PAK1IP1: variants seen among roughly 807,000 people sequenced by gnomAD.
PAK1IP1 encodes the protein p21-activated protein kinase-interacting protein 1.
In PAK1IP1, 24 loss-of-function variants were observed where a neutral mutation model predicts 42.0. The ratio of observed to expected loss-of-function variants is 0.57; its 90% CI spans 0.41 to 0.80. The LOEUF (loss-of-function observed/expected upper bound fraction) is 0.80, where lower values mean the gene tolerates loss of function less well. Among genes scored for constraint, PAK1IP1 ranks in the 30% least tolerant of loss-of-function variants. PAK1IP1 has a pLI of 0.00. For synonymous variants in PAK1IP1, 154 were observed against 156.7 expected, an observed-to-expected ratio of 0.98 and a Z score of 0.13; for missense variants, 411 against 467.9, an observed-to-expected ratio of 0.88 and a Z score of 1.12.
rs142103213 is a variant in PAK1IP1, at chr6:10,707,206, T to C, written c.741-209T>C. Among the ~76,000 whole-genome samples the C allele has an allele frequency of 5.6e-3, 859 of 152,364 alleles. 8 individuals carry two copies. Among genetic ancestry groups the C allele is most frequent in the African/African-American group, 0.019 (794 of 41,584 alleles). On this transcript the variant is annotated intron_variant, in intron 7 of 9. Coordinates refer to ENST00000379568, the MANE Select transcript of PAK1IP1 (RefSeq NM_017906.3). ...TTTTCAACTTTTCCTTCAGATATGG[T>C]TGGCAGTGGATTTTATCTTGTTTTT...
At chr6:10,702,346 TGC>T in intron 2 of PAK1IP1, 21 bp from the exon 3 acceptor site, 1 of 1,596,700 alleles carries the variant, frequency 6.3e-7, no homozygotes, top group Non-Finnish European at 8.6e-7. Flanking sequence ...ATATTATTTT[TGC>T]CTATTTTGGT....
chr6:10,693,525 A>T (rs1237529745), upstream of PAK1IP1, among the ~76,000 whole-genome samples: 2 of 152,242 alleles, frequency 1.3e-5, no homozygotes, highest in Non-Finnish European at 2.9e-5. Flanking sequence ...AAGTTATTGG[A>T]AACAAAAGGG....
chr6:10,702,836 C>T (rs1770072076), intron 4 of PAK1IP1, among the ~76,000 whole-genome samples, 197 bp downstream of exon 4: 1 of 152,010 alleles, frequency 6.6e-6, no homozygotes, highest in Admixed American at 6.6e-5. Context: ...CTCTGTCTCC[C>T]TGCTCTGTCG....
At chr6:10,694,966 A>G (rs1328837726), upstream of PAK1IP1, 1 of 1,568,526 alleles carries the variant, frequency 6.4e-7, no homozygotes. Flanking sequence ...GGCTGGCGGA[A>G]GAGGCACGTG....
chr6:10,696,795 A>C (rs1473910324), intron 1 of PAK1IP1, among the ~76,000 whole-genome samples: 1 of 152,228 alleles, frequency 6.6e-6, no homozygotes, highest in Non-Finnish European at 1.5e-5. Context: ...TTAGCTGGGC[A>C]TGATGGCAAG....
At chr6:10,701,328 C>T (rs1359919145) in intron 2 of PAK1IP1, among the ~76,000 whole-genome samples, 2 of 152,188 alleles carry the variant, frequency 1.3e-5, no homozygotes, top group South Asian at 2.1e-4. Flanking sequence ...CTGCCTGTCT[C>T]GGTCTCCCAA....
At chr6:10,694,602 A>T, upstream of PAK1IP1, 2 of 196,504 alleles carry the variant, frequency 1.0e-5, no homozygotes, top group South Asian at 7.2e-5. Context: ...GCCCCTAAGC[A>T]ACCGGCCGGA....
chr6:10,694,625 C>CGTA, upstream of PAK1IP1: 6 of 187,414 alleles, frequency 3.2e-5, no homozygotes, highest in South Asian at 3.0e-4. Context: ...TCGGCCCCAC[C>CGTA]TCCTCCTGAT....
upstream of PAK1IP1, among the ~76,000 whole-genome samples, chr6:10,691,724 C>CA (rs1769326724): frequency 1.3e-5 from 2 of 152,112 alleles, no homozygotes; most frequent in Admixed American, 6.5e-5. Context: ...TCATGGGATT[C>CA]AAAACCCCTG....
chr6:10,703,383 A>G, intron 4 of PAK1IP1, 22 bp from the exon 5 acceptor site: 3 of 1,596,886 alleles, frequency 1.9e-6, no homozygotes, highest in Non-Finnish European at 2.6e-6. Flanking sequence ...ATCACACCGT[A>G]AGTGAGCTTC....
rs772521236 is a variant in PAK1IP1 at position 10,704,856 on chromosome 6, A to C, written c.740+12A>C. 6.6e-7 allele frequency: 1 copy of C among 1,506,006 alleles called. No homozygotes were observed. The highest frequency in any genetic ancestry group is 2.3e-5 in the East Asian group (1 of 44,374). The allele number at this position is 1,506,006 out of a possible 1,614,324, so 93.3% of individuals were successfully genotyped here. A position where few individuals can be genotyped will look rare whatever the true frequency, so the allele number is the denominator to read the frequency against. ...GCTCATGAAAACAGGTATTTTTACC[A>C]ATCTTTGGTGTATATGTCTAGTCTT... is the stretch of plus-strand genomic sequence containing the variant. On this transcript the variant is annotated intron_variant, in intron 7 of 9. Transcript: ENST00000379568.
At chr6:10,697,614 A>G (rs1002668895) in intron 2 of PAK1IP1, 128 bp downstream of exon 2, 1 of 774,156 alleles carries the variant, frequency 1.3e-6, no homozygotes, top group East Asian at 2.8e-5. Context: ...TTTTAAAAAA[A>G]AATGGTTTCT....
At chr6:10,702,688 A>G in intron 4 of PAK1IP1, 49 bp downstream of exon 4, 1 of 1,252,610 alleles carries the variant, frequency 8.0e-7, no homozygotes, top group Non-Finnish European at 1.2e-6. Flanking sequence ...GTGTTTTACT[A>G]CAGCTCTCCA....
intron 2 of PAK1IP1, 93 bp from the exon 3 acceptor site, chr6:10,702,276 A>C: frequency 3.3e-6 from 3 of 907,914 alleles, no homozygotes; most frequent in South Asian, 1.6e-5. Flanking sequence ...AAAGGTATTG[A>C]GTGTTTTACT....
At chr6:10,693,093 T>C (rs150008040), upstream of PAK1IP1, among the ~76,000 whole-genome samples, 5 of 152,368 alleles carry the variant, frequency 3.3e-5, no homozygotes, top group African/African-American at 1.2e-4. Context: ...CCCTATTGTA[T>C]GTAACTGCGG....
chr6:10,690,947 C>T (rs914252803), upstream of PAK1IP1, among the ~76,000 whole-genome samples: 4 of 152,168 alleles, frequency 2.6e-5, no homozygotes, highest in African/African-American at 9.7e-5. Context: ...CAATGAAAAT[C>T]CGCAATCTAA....
intron 2 of PAK1IP1, among the ~76,000 whole-genome samples, chr6:10,700,843 G>C (rs886867441): frequency 2.6e-5 from 4 of 151,568 alleles, no homozygotes; most frequent in African/African-American, 9.7e-5. Flanking sequence ...CAACTTTTAA[G>C]TTCAGGGGTA....
chr6:10,703,601 A>C (rs1770105201), intron 5 of PAK1IP1, 144 bp downstream of exon 5: 1 of 588,186 alleles, frequency 1.7e-6, no homozygotes, highest in Non-Finnish European at 3.0e-6. Context: ...CACAGTCAGA[A>C]CCTTGTTTCA....
At chr6:10,700,451 C>T (rs1769993207) in intron 2 of PAK1IP1, among the ~76,000 whole-genome samples, 1 of 152,220 alleles carries the variant, frequency 6.6e-6, no homozygotes, top group Non-Finnish European at 1.5e-5. Context: ...CTAAAGGTCT[C>T]ACCTCTTAAA....
Sources: gnomAD v4.1 joint callset for allele counts (sites outside exome capture counted in the v4.1 genomes callset) on GRCh38, gnomAD v4.1.1 for gene constraint, MANE v1.5 for transcripts, NCBI Gene and HGNC (gene_info 2026-07-23, HGNC 2026-07-21) for gene names.